The following SCAMP2 variants were observed in gnomAD, a reference collection of about 807,000 sequenced individuals.
SCAMP2 encodes secretory carrier-associated membrane protein 2.
A neutral mutation model predicts 44.1 loss-of-function variants in SCAMP2; 25 were observed. The observed-to-expected ratio is 0.57, with a 90% CI of 0.41 to 0.79. The LOEUF (loss-of-function observed/expected upper bound fraction) is 0.79. Among genes scored for constraint, SCAMP2 ranks in the 30% least tolerant of loss-of-function variants. The pLI is 0.00. For synonymous variants in SCAMP2, 156 were observed against 166.0 expected, an observed-to-expected ratio of 0.94 and a Z score of 0.46; for missense variants, 355 against 411.0, an observed-to-expected ratio of 0.86 and a Z score of 1.18.
At position 74,851,376 on chromosome 15, in the gene SCAMP2, T is replaced by C; in HGVS notation, c.449A>G (p.Lys150Arg). 1 of 1,614,046 alleles carries C rather than the reference T, an allele frequency of 6.2e-7. No homozygotes were observed. Residue 150 changes from lysine to arginine, a missense_variant, in exon 5 of 9, where the codon AAG becomes AGG. Coordinates refer to ENST00000268099, the MANE Select transcript of SCAMP2 (RefSeq NM_005697.5). ...EIPADYQRICKMLYYLWMLHS... is the reference protein window; with the variant it reads ...EIPADYQRICRMLYYLWMLHS... ...ACACATCCACAGATAGTAGAGCATC[T>C]TGCATATCCGCTGGTAGTCGGCAGG...
intron 7 of SCAMP2, 34 bp from the exon 8 acceptor site, chr15:74,845,627 G>T: frequency 6.2e-7 from 1 of 1,611,888 alleles, no homozygotes; most frequent in Non-Finnish European, 8.5e-7. Context: ...AGGGAGCAAA[G>T]TGGGAGTGGG....
intron 1 of SCAMP2, among the ~76,000 whole-genome samples, chr15:74,856,804 C>T (rs1239933232): frequency 6.6e-6 from 1 of 151,988 alleles, no homozygotes; most frequent in Admixed American, 6.6e-5. Flanking sequence ...CTTTGTTGCC[C>T]AGGCTGGTTT....
intron 1 of SCAMP2, chr15:74,872,825 G>A (rs1389901782): frequency 2.0e-5 from 4 of 195,832 alleles, no homozygotes; most frequent in African/African-American, 7.0e-5. Flanking sequence ...CTCTTCTAAA[G>A]TGACTCAAGA....
At chr15:74,851,329 T>C (rs1229329305) in intron 5 of SCAMP2, 24 bp downstream of exon 5, 1 of 1,610,150 alleles carries the variant, frequency 6.2e-7, no homozygotes, top group East Asian at 2.2e-5. Flanking sequence ...GCCCTTGCGC[T>C]TGGAAGGCAG....
chr15:74,850,280 C>T (rs2064426767), intron 6 of SCAMP2, among the ~76,000 whole-genome samples: 1 of 152,182 alleles, frequency 6.6e-6, no homozygotes, highest in African/African-American at 2.4e-5. Context: ...CTCTAGGTCT[C>T]CTGTGCCTGG....
chr15:74,854,028 G>A lies in SCAMP2; in HGVS notation c.218C>T (p.Thr73Ile). 4 of 1,613,784 alleles carry A rather than the reference G, an allele frequency of 2.5e-6. No homozygotes were observed. In the East Asian group the frequency reaches 6.7e-5, roughly 27 times the overall value. ...LQPSVEPTQP[T>I]PQAVVSAAQA... ...GTTCTTTGTCAGCACTACCTGGGGGGTCGGCTGGGTTGGTTCCACTGATGG... is the reference window on the plus strand; with the variant it reads ...GTTCTTTGTCAGCACTACCTGGGGGATCGGCTGGGTTGGTTCCACTGATGG... Residue 73 changes from threonine to isoleucine, a missense_variant, in exon 3 of 9, where the codon ACC (threonine) becomes ATC (isoleucine). Transcript: ENST00000268099.
At chr15:74,853,800 T>C in intron 3 of SCAMP2, 1 of 582,966 alleles carries the variant, frequency 1.7e-6, no homozygotes, top group Non-Finnish European at 3.1e-6. Flanking sequence ...GTAGAGCTTA[T>C]TTCTCAGTGG....
Position 74,873,364 on chromosome 15 carries a change from C to T in SCAMP2, c.-109G>A. Reference sequence around the variant, plus strand: ...CACTTCCGGGAGCGAGGCAGCGGTTCTGGCGCAGGCGCGATGCCCTCCCCC... The same window carrying T: ...CACTTCCGGGAGCGAGGCAGCGGTTTTGGCGCAGGCGCGATGCCCTCCCCC... On this transcript the variant is annotated 5_prime_UTR_variant, in exon 1 of 9. Coordinates refer to ENST00000268099, the MANE Select transcript of SCAMP2 (RefSeq NM_005697.5). The T allele has an allele frequency of 2.5e-6, 2 of 799,510 alleles. No individual in the cohort carries two copies. Among genetic ancestry groups the T allele is most frequent in the Non-Finnish European group, 3.3e-6 (2 of 604,314 alleles). 49.5% of individuals were successfully genotyped at this position (799,510 alleles called of 1,614,324 possible). A position where few individuals can be genotyped will look rare whatever the true frequency, so the allele number is the denominator to read the frequency against.
intron 1 of SCAMP2, among the ~76,000 whole-genome samples, chr15:74,861,893 T>G (rs1395802578): frequency 8.1e-6 from 1 of 123,924 alleles, no homozygotes; most frequent in Non-Finnish European, 1.6e-5. Flanking sequence ...AGAGCAAGAC[T>G]CTGTCTCAAA....
chr15:74,846,304 C>T (rs2141169957), intron 7 of SCAMP2, among the ~76,000 whole-genome samples: 1 of 151,484 alleles, frequency 6.6e-6, no homozygotes, highest in African/African-American at 2.4e-5. Context: ...AATTAGCTGG[C>T]TGTGGTCATA....
chr15:74,857,709 ATCCC>A lies in SCAMP2; in HGVS notation c.58-3064_58-3061del, dbSNP rs920014879. On this transcript the variant is annotated intron_variant, in intron 1 of 8. Transcript: ENST00000268099. ...TAGGGTGACTGCCCTGTCCACTCTG[ATCCC>A]TCCCTTTTTCCTAAAATCTTAAAGA... is the stretch of plus-strand genomic sequence containing the variant. 4.9e-4 allele frequency among the ~76,000 whole-genome samples: 74 copies of A among 152,248 alleles called. 1 individual carries two copies. Among genetic ancestry groups the A allele is most frequent in the Admixed American group, 1.3e-3 (20 of 15,290 alleles).
At chr15:74,863,080 C>G (rs1430173211) in intron 1 of SCAMP2, among the ~76,000 whole-genome samples, 1 of 151,686 alleles carries the variant, frequency 6.6e-6, no homozygotes, top group African/African-American at 2.4e-5. Flanking sequence ...TGCAGTGGCT[C>G]ATACCTGTAA....
chr15:74,857,365 T>C lies in SCAMP2; in HGVS notation c.58-2716A>G, dbSNP rs887157969. ...GCCTTGAGGTTATTTCATGCCTGAA[T>C]GACCAGTGGTTTACTACCAGAATCA... On this transcript the variant is annotated intron_variant, in intron 1 of 8. Transcript: ENST00000268099. 1.5e-4 allele frequency among the ~76,000 whole-genome samples: 23 copies of C among 152,248 alleles called. 1 individual carries two copies. The highest frequency in any genetic ancestry group is 3.1e-4 in the Non-Finnish European group (21 of 68,040).
intron 1 of SCAMP2, 27 bp downstream of exon 1, chr15:74,873,172 A>G: frequency 7.0e-7 from 1 of 1,426,016 alleles, no homozygotes; most frequent in Non-Finnish European, 9.2e-7. Flanking sequence ...GAAATCTGAG[A>G]GCTGGATGGC....
intron 1 of SCAMP2, among the ~76,000 whole-genome samples, chr15:74,860,623 G>A (rs2064497158): frequency 6.7e-6 from 1 of 150,040 alleles, no homozygotes; most frequent in Admixed American, 6.7e-5. Context: ...GGAGGCGGAG[G>A]TTGCAGTGAG....
chr15:74,871,083 C>G (rs2141184068), intron 1 of SCAMP2, among the ~76,000 whole-genome samples: 1 of 152,308 alleles, frequency 6.6e-6, no homozygotes, highest in Middle Eastern at 3.4e-3. Context: ...CATAGGAGCT[C>G]TGGAGGTAAC....
chr15:74,850,771 C>T (rs1363960673), intron 5 of SCAMP2, 98 bp from the exon 6 acceptor site: 1 of 1,300,210 alleles, frequency 7.7e-7, no homozygotes, highest in Non-Finnish European at 1.1e-6. Flanking sequence ...GTTCATGCTG[C>T]GAAGGCAGCT....
chr15:74,856,264 C>CTTTTT (rs34812536), intron 1 of SCAMP2, among the ~76,000 whole-genome samples: 2 of 60,416 alleles, frequency 3.3e-5, no homozygotes, highest in Non-Finnish European at 5.7e-5. Context: ...AGAGCCAGTT[C>CTTTTT]TTTTTTTTTT....
In SCAMP2 at chr15:74,844,205, G is replaced by GC. The variant is rs908067526; in HGVS notation, c.*877_*878insG. 2.8e-5 allele frequency: 4 copies of GC among 143,434 alleles called. No homozygotes were observed. The highest frequency in any genetic ancestry group is 2.2e-4 in the South Asian group (1 of 4,494). The allele number at this position is 143,434 out of a possible 1,614,324, so 8.9% of individuals were successfully genotyped here. A position where few individuals can be genotyped will look rare whatever the true frequency, so the allele number is the denominator to read the frequency against. ...GGCAGCCGTCCCTCGGTTCGGGGAG[G>GC]GGGGGGGGTAGTCACAGCAAACAGG... is the stretch of plus-strand genomic sequence containing the variant. On this transcript the variant is annotated 3_prime_UTR_variant, in exon 9 of 9. Transcript: ENST00000268099.
Sources: gnomAD v4.1 joint callset for allele counts (sites outside exome capture counted in the v4.1 genomes callset) on GRCh38, gnomAD v4.1.1 for gene constraint, MANE v1.5 for transcripts, NCBI Gene and HGNC (gene_info 2026-07-23, HGNC 2026-07-21) for gene names.